COL25A1: variants seen among roughly 807,000 people sequenced by gnomAD.
The protein encoded by COL25A1 is collagen alpha-1(XXV) chain.
In COL25A1, 103 loss-of-function variants were observed where a neutral mutation model predicts 128.4. That is an observed-to-expected ratio of 0.80 (90% CI 0.68 to 0.94). The LOEUF (loss-of-function observed/expected upper bound fraction) is 0.94. COL25A1 is among the 40% of genes least tolerant of loss of function. COL25A1 has a pLI of 0.00. For synonymous variants in COL25A1, 279 were observed against 277.2 expected, an observed-to-expected ratio of 1.01 and a Z score of -0.06; for missense variants, 745 against 840.0, an observed-to-expected ratio of 0.89 and a Z score of 1.40.
intron 24 of COL25A1, among the ~76,000 whole-genome samples, chr4:108,854,756 T>G (rs1736269092): frequency 6.6e-6 from 1 of 152,144 alleles, no homozygotes; most frequent in Non-Finnish European, 1.5e-5. Flanking sequence ...ACTTTTACAC[T>G]GTTTGTGGGA....
At chr4:108,927,112 T>C (rs1052757225) in intron 11 of COL25A1, among the ~76,000 whole-genome samples, 1 of 152,240 alleles carries the variant, frequency 6.6e-6, no homozygotes, top group Non-Finnish European at 1.5e-5. Flanking sequence ...AAGAAGTCCA[T>C]ATCCTTCTCC....
At chr4:109,048,729 G>A (rs1249514951) in intron 4 of COL25A1, among the ~76,000 whole-genome samples, 1 of 152,044 alleles carries the variant, frequency 6.6e-6, no homozygotes, top group Admixed American at 6.5e-5. Context: ...ACACCATTAT[G>A]CTCAATTAAA....
intron 5 of COL25A1, among the ~76,000 whole-genome samples, chr4:109,013,603 C>T (rs762960720): frequency 9.9e-5 from 15 of 152,176 alleles, no homozygotes; most frequent in Non-Finnish European, 1.9e-4. Flanking sequence ...CAGCTTCACT[C>T]CTGAGGCCAG....
In COL25A1 at chr4:109,137,394, A is replaced by G. The variant is rs962787029; in HGVS notation, c.368-87215T>C. On this transcript the variant is annotated intron_variant, in intron 3 of 37. Transcript: ENST00000399132. ...ATATCCTGTATAAAACTTGTACCTCACTCCTCAAATTAATCAGTCAACAAT... is the reference window on the plus strand; with the variant it reads ...ATATCCTGTATAAAACTTGTACCTCGCTCCTCAAATTAATCAGTCAACAAT... Among the ~76,000 whole-genome samples the G allele has an allele frequency of 2.0e-5, 3 of 152,174 alleles. No homozygotes were observed. In the South Asian group the frequency reaches 6.2e-4, roughly 32 times the overall value.
At chr4:108,968,313 C>G (rs1751545644) in intron 8 of COL25A1, among the ~76,000 whole-genome samples, 1 of 152,150 alleles carries the variant, frequency 6.6e-6, no homozygotes, top group Admixed American at 6.5e-5. Context: ...AGACGGTCAA[C>G]TTTCCTACCA....
chr4:109,099,779 G>A (rs1765725663), intron 3 of COL25A1, among the ~76,000 whole-genome samples: 1 of 152,032 alleles, frequency 6.6e-6, no homozygotes, highest in African/African-American at 2.4e-5. Flanking sequence ...ATGAAAACAT[G>A]AGGGCAAAAA....
chr4:108,821,240 A>C (rs945423463), intron 35 of COL25A1, among the ~76,000 whole-genome samples: 1 of 152,216 alleles, frequency 6.6e-6, no homozygotes, highest in African/African-American at 2.4e-5. Context: ...AGAATCAAAA[A>C]CACTTGGATT....
chr4:109,177,616 A>G (rs1489238072), intron 3 of COL25A1, among the ~76,000 whole-genome samples: 1 of 152,174 alleles, frequency 6.6e-6, no homozygotes, highest in Non-Finnish European at 1.5e-5. Flanking sequence ...TTCCAGGCCA[A>G]GTTTATCTTG....
At chr4:109,247,921 G>A (rs1780383474) in intron 3 of COL25A1, among the ~76,000 whole-genome samples, 1 of 152,032 alleles carries the variant, frequency 6.6e-6, no homozygotes, top group Admixed American at 6.6e-5. Flanking sequence ...AGAGATAACA[G>A]AAAGAAGAGA....
intron 5 of COL25A1, among the ~76,000 whole-genome samples, chr4:109,024,186 A>G (rs1440040144): frequency 6.6e-6 from 1 of 152,056 alleles, no homozygotes; most frequent in Admixed American, 6.5e-5. Flanking sequence ...CTAAGCTATG[A>G]TGGGCAGTAG....
rs74564830 is a variant in COL25A1 at position 108,809,470 on chromosome 4, T to G, written c.*4457A>C. Reference sequence around the variant, plus strand: ...AGATAGGTAAGAATATCAACTACATTTTGAGAGATGTTGGTACTTTCTTTG... The same window carrying G: ...AGATAGGTAAGAATATCAACTACATGTTGAGAGATGTTGGTACTTTCTTTG... On this transcript the variant is annotated 3_prime_UTR_variant, in exon 38 of 38. Coordinates refer to ENST00000399132, the MANE Select transcript of COL25A1 (RefSeq NM_198721.4). 1.1e-3 allele frequency: 172 copies of G among 152,172 alleles called. 3 individuals carry two copies. In the East Asian group the frequency reaches 0.028, roughly 25 times the overall value. 9.4% of individuals were successfully genotyped at this position (152,172 alleles called of 1,614,324 possible). A position where few individuals can be genotyped will look rare whatever the true frequency, so the allele number is the denominator to read the frequency against.
At chr4:108,899,605 G>C (rs750664265) in intron 14 of COL25A1, among the ~76,000 whole-genome samples, 3 of 152,072 alleles carry the variant, frequency 2.0e-5, no homozygotes, top group African/African-American at 7.2e-5. Flanking sequence ...CCGGTTCATA[G>C]ATCATTTCCA....
chr4:108,831,966 T>C (rs1259159774), intron 32 of COL25A1, among the ~76,000 whole-genome samples: 3 of 152,222 alleles, frequency 2.0e-5, no homozygotes, highest in Non-Finnish European at 4.4e-5. Context: ...GGTTTCATTA[T>C]TTCCTTTGGA....
chr4:109,270,353 A>G (rs1056599879), intron 3 of COL25A1, among the ~76,000 whole-genome samples: 3 of 152,234 alleles, frequency 2.0e-5, no homozygotes, highest in Non-Finnish European at 4.4e-5. Flanking sequence ...CCTTAAGCTG[A>G]TAAGCAACTT....
In COL25A1 at chr4:109,003,468, T is replaced by C. The variant is rs1755652847; in HGVS notation, c.438+6890A>G. Among the ~76,000 whole-genome samples the C allele has an allele frequency of 2.6e-5, 4 of 152,232 alleles. No homozygotes were observed. The South Asian group carries it at 8.3e-4, about 31-fold the overall frequency. On this transcript the variant is annotated intron_variant, in intron 6 of 37. Coordinates refer to ENST00000399132, the MANE Select transcript of COL25A1 (RefSeq NM_198721.4). ...TCAGGGTAACTTTCATTTCAATAAA[T>C]TTAGCCTTACCCTTAAATAATTCTC...
At chr4:108,991,555 G>T (rs569437566) in intron 6 of COL25A1, among the ~76,000 whole-genome samples, 1 of 152,106 alleles carries the variant, frequency 6.6e-6, no homozygotes, top group South Asian at 2.1e-4. Flanking sequence ...TAATATAACA[G>T]AAAATGATAA....
At chr4:108,955,558 G>A (rs1275054335) in intron 8 of COL25A1, among the ~76,000 whole-genome samples, 1 of 151,978 alleles carries the variant, frequency 6.6e-6, no homozygotes, top group Non-Finnish European at 1.5e-5. Context: ...TACAAATAAG[G>A]AAGGAAATAA....
At chr4:109,088,052 TA>T (rs1764567235) in intron 3 of COL25A1, among the ~76,000 whole-genome samples, 2 of 149,678 alleles carry the variant, frequency 1.3e-5, no homozygotes, top group Non-Finnish European at 3.0e-5. Flanking sequence ...TAAATATATA[TA>T]TTTTATATAT....
chr4:109,257,024 C>T (rs535204896), intron 3 of COL25A1, among the ~76,000 whole-genome samples: 1 of 152,234 alleles, frequency 6.6e-6, no homozygotes, highest in East Asian at 1.9e-4. Context: ...TTGTGTCATT[C>T]CATATGAGTC....
Sources: gnomAD v4.1 joint callset for allele counts (sites outside exome capture counted in the v4.1 genomes callset) on GRCh38, gnomAD v4.1.1 for gene constraint, MANE v1.5 for transcripts, NCBI Gene and HGNC (gene_info 2026-07-23, HGNC 2026-07-21) for gene names.